MAGI1: variants seen among roughly 807,000 people sequenced by gnomAD.
MAGI1 encodes membrane-associated guanylate kinase, WW and PDZ domain-containing protein 1.
MAGI1 carries 58 observed loss-of-function variants against 139.9 expected under a neutral mutation model. The ratio of observed to expected loss-of-function variants is 0.41; its 90% confidence interval spans 0.34 to 0.52. MAGI1 has a LOEUF of 0.52. Among genes scored for constraint, MAGI1 ranks in the 20% least tolerant of loss-of-function variants. MAGI1 has a pLI of 0.12. For missense variants in MAGI1, 1,874 were observed against 1,901.6 expected (o/e 0.99, Z 0.27); for synonymous variants, 812 against 737.9 (o/e 1.10, Z -1.63).
intron 1 of MAGI1, among the ~76,000 whole-genome samples, chr3:65,959,657 G>A (rs1352824363): frequency 6.9e-6 from 1 of 145,760 alleles, no homozygotes; most frequent in Non-Finnish European, 1.5e-5. Context: ...TTGAGACAAG[G>A]TCTCCCTATG....
At chr3:66,008,610 A>G (rs2067156670) in intron 1 of MAGI1, among the ~76,000 whole-genome samples, 1 of 152,232 alleles carries the variant, frequency 6.6e-6, no homozygotes, top group Admixed American at 6.5e-5. Flanking sequence ...AGAGCATTAA[A>G]CAAGATGAGA....
chr3:65,527,982 G>T (rs2078468769), intron 2 of MAGI1, among the ~76,000 whole-genome samples: 2 of 151,914 alleles, frequency 1.3e-5, no homozygotes, highest in Non-Finnish European at 1.5e-5. Context: ...TTAAAAAGTG[G>T]GGTGGGGAGT....
intron 2 of MAGI1, among the ~76,000 whole-genome samples, chr3:65,570,736 T>C (rs185731780): frequency 1.3e-5 from 2 of 152,210 alleles, no homozygotes; most frequent in Non-Finnish European, 2.9e-5. Context: ...CTAAGTTCAT[T>C]GCACCATTCT....
intron 1 of MAGI1, among the ~76,000 whole-genome samples, chr3:66,031,567 G>A (rs761991439): frequency 2.0e-5 from 3 of 152,032 alleles, no homozygotes; most frequent in South Asian, 4.2e-4. Flanking sequence ...TGCGTTGTAC[G>A]TCCTTGCTTC....
intron 12 of MAGI1, among the ~76,000 whole-genome samples, chr3:65,410,892 A>G (rs550040751): frequency 4.6e-5 from 7 of 152,330 alleles, no homozygotes; most frequent in African/African-American, 1.7e-4. Flanking sequence ...CAAAGTGGGC[A>G]GGAGCTTTTT....
intron 12 of MAGI1, among the ~76,000 whole-genome samples, chr3:65,425,816 G>C (rs1559543890): frequency 6.6e-6 from 1 of 152,056 alleles, no homozygotes; most frequent in Non-Finnish European, 1.5e-5. Flanking sequence ...TTGACACAGA[G>C]GGGCACAGGT....
intron 2 of MAGI1, among the ~76,000 whole-genome samples, chr3:65,510,060 G>A (rs1469568367): frequency 6.6e-6 from 1 of 152,104 alleles, no homozygotes; most frequent in East Asian, 1.9e-4. Flanking sequence ...ACCTCACACT[G>A]CAGGGTATTC....
chr3:65,857,445 T>A (rs1397039211), intron 1 of MAGI1, among the ~76,000 whole-genome samples: 1 of 152,222 alleles, frequency 6.6e-6, no homozygotes, highest in African/African-American at 2.4e-5. Context: ...AATTTACAAC[T>A]GCTAATCTTT....
At chr3:65,950,163 A>T (rs1483938278) in intron 1 of MAGI1, among the ~76,000 whole-genome samples, 8 of 139,064 alleles carry the variant, frequency 5.8e-5, no homozygotes, top group Non-Finnish European at 9.2e-5. Context: ...GTCAATTTTA[A>T]TCAAAAGAAA....
intron 1 of MAGI1, among the ~76,000 whole-genome samples, chr3:65,930,441 T>C (rs1261366371): frequency 6.6e-6 from 1 of 150,894 alleles, no homozygotes; most frequent in African/African-American, 2.4e-5. Context: ...TATCAAAATG[T>C]CCACTTGTGG....
intron 1 of MAGI1, among the ~76,000 whole-genome samples, chr3:65,956,942 C>T (rs2064153731): frequency 6.6e-6 from 1 of 152,070 alleles, no homozygotes; most frequent in African/African-American, 2.4e-5. Flanking sequence ...GGAGAAGCTG[C>T]AGTGAGCCAA....
chr3:65,448,468 T>A (rs1191348982), intron 6 of MAGI1, among the ~76,000 whole-genome samples: 1 of 152,296 alleles, frequency 6.6e-6, no homozygotes, highest in East Asian at 1.9e-4. Flanking sequence ...GAGGCAATTA[T>A]ACTCACAATT....
At chr3:65,607,237 C>A (rs1489220631) in intron 2 of MAGI1, among the ~76,000 whole-genome samples, 1 of 151,522 alleles carries the variant, frequency 6.6e-6, no homozygotes, top group African/African-American at 2.4e-5. Flanking sequence ...ATAGCTGGTA[C>A]CTACCCCAGT....
chr3:65,654,018 T>C (rs1297314095), intron 1 of MAGI1, among the ~76,000 whole-genome samples: 2 of 152,186 alleles, frequency 1.3e-5, no homozygotes, highest in Non-Finnish European at 2.9e-5. Context: ...GGAATATCTC[T>C]GGATGGTGAG....
At position 66,038,360 on chromosome 3, in the gene MAGI1, C is replaced by A. The variant is rs746810590; in HGVS notation, c.-52G>T. The A allele has an allele frequency of 1.3e-6, 2 of 1,506,814 alleles. No individual in the cohort carries two copies. Among genetic ancestry groups the A allele is most frequent in the Non-Finnish European group, 1.8e-6 (2 of 1,131,870 alleles). The allele number at this position is 1,506,814 out of a possible 1,614,324, so 93.3% of individuals were successfully genotyped here. The stretch of plus-strand genomic sequence containing the variant: ...AATAAAACGAGAGACAGGTGCCCCC[C>A]ACAGCACGAGCCCCCAAGCCTCCGC... On this transcript the variant is annotated 5_prime_UTR_variant, in exon 1 of 23. Coordinates refer to ENST00000402939, the MANE Select transcript of MAGI1 (RefSeq NM_001033057.2).
intron 1 of MAGI1, among the ~76,000 whole-genome samples, chr3:65,802,848 C>CTG (rs55814110): frequency 0.2 from 27,915 of 137,992 alleles, 2,900 homozygotes; most frequent in African/African-American, 0.28. Context: ...ATCATCTCAT[C>CTG]TGTGTGTGTG....
intron 1 of MAGI1, among the ~76,000 whole-genome samples, chr3:65,920,812 C>T (rs927380612): frequency 1.3e-5 from 2 of 152,088 alleles, no homozygotes; most frequent in Non-Finnish European, 2.9e-5. Flanking sequence ...GGGTGGATCA[C>T]GAGGTCAGGG....
intron 1 of MAGI1, among the ~76,000 whole-genome samples, chr3:66,035,241 GT>G (rs1423694826): frequency 6.6e-6 from 1 of 152,210 alleles, no homozygotes. Context: ...GTCACAGACA[GT>G]TTTGGTCCAT....
intron 2 of MAGI1, among the ~76,000 whole-genome samples, chr3:65,536,985 T>C (rs1202180547): frequency 6.6e-6 from 1 of 152,150 alleles, no homozygotes; most frequent in Non-Finnish European, 1.5e-5. Context: ...ACATAAATTC[T>C]CTTTTCTGTT....
Sources: gnomAD v4.1 joint callset for allele counts (sites outside exome capture counted in the v4.1 genomes callset) on GRCh38, gnomAD v4.1.1 for gene constraint, MANE v1.5 for transcripts, NCBI Gene and HGNC (gene_info 2026-07-23, HGNC 2026-07-21) for gene names.